Variants in TAFA4 observed in about 807,000 individuals in gnomAD.
TAFA4 encodes the protein TAFA chemokine like family member 4.
In TAFA4, 20 loss-of-function variants were observed where a neutral mutation model predicts 21.1. The observed-to-expected ratio is 0.95, with a 90% CI of 0.67 to 1.38. The LOEUF (loss-of-function observed/expected upper bound fraction) is 1.38. Ranked by LOEUF, TAFA4 falls within the 40% of genes most tolerant of loss-of-function variation. TAFA4 has a pLI of 0.00. For missense variants in TAFA4, 211 were observed against 180.9 expected (o/e 1.17, Z -0.95); for synonymous variants, 71 against 67.4 (o/e 1.05, Z -0.26).
At chr3:68,814,295 T>C (rs567814749) in intron 3 of TAFA4, among the ~76,000 whole-genome samples, 1 of 152,236 alleles carries the variant, frequency 6.6e-6, no homozygotes, top group East Asian at 1.9e-4. Flanking sequence ...CTGGTCAACA[T>C]AGTGTTGGAA....
intron 3 of TAFA4, among the ~76,000 whole-genome samples, chr3:68,787,087 A>C (rs1481726494): frequency 6.6e-6 from 1 of 152,224 alleles, no homozygotes; most frequent in Admixed American, 6.5e-5. Flanking sequence ...CCTCACATGA[A>C]GTTCCACAGG....
chr3:68,847,969 G>A (rs1050459036), intron 3 of TAFA4, among the ~76,000 whole-genome samples: 4 of 152,174 alleles, frequency 2.6e-5, no homozygotes, highest in Non-Finnish European at 4.4e-5. Context: ...GCTAAGAACA[G>A]CTCTCAAAAA....
chr3:68,786,105 A>G (rs1318527881), intron 3 of TAFA4, among the ~76,000 whole-genome samples: 1 of 152,230 alleles, frequency 6.6e-6, no homozygotes, highest in African/African-American at 2.4e-5. Context: ...AATTAAATTA[A>G]TAAAGCAAAT....
At chr3:68,762,189 T>C (rs1575598975) in intron 3 of TAFA4, among the ~76,000 whole-genome samples, 1 of 135,878 alleles carries the variant, frequency 7.4e-6, no homozygotes, top group East Asian at 2.0e-4. Flanking sequence ...GGGAAAGCCA[T>C]TGGTGGCCTT....
intron 3 of TAFA4, among the ~76,000 whole-genome samples, chr3:68,795,254 T>A (rs1010359526): frequency 1.3e-5 from 2 of 150,678 alleles, no homozygotes; most frequent in Non-Finnish European, 3.0e-5. Context: ...GCATTCTAGA[T>A]GGAGACAGCT....
chr3:68,734,201 G>T (rs1702200364), intron 5 of TAFA4, among the ~76,000 whole-genome samples: 1 of 152,058 alleles, frequency 6.6e-6, no homozygotes, highest in South Asian at 2.1e-4. Flanking sequence ...CATGCATTCT[G>T]AAATATTCTG....
At chr3:68,856,023 A>G (rs1319342298) in intron 3 of TAFA4, among the ~76,000 whole-genome samples, 1 of 152,188 alleles carries the variant, frequency 6.6e-6, no homozygotes, top group Non-Finnish European at 1.5e-5. Flanking sequence ...ATGGTGAGGC[A>G]GAAAAGAAGA....
intron 3 of TAFA4, among the ~76,000 whole-genome samples, chr3:68,779,040 C>T (rs1703102357): frequency 6.6e-6 from 1 of 152,130 alleles, no homozygotes; most frequent in African/African-American, 2.4e-5. Flanking sequence ...TTGAGGTGGT[C>T]TCAGATGGAG....
intron 3 of TAFA4, among the ~76,000 whole-genome samples, chr3:68,754,462 C>G (rs972024371): frequency 2.6e-5 from 4 of 152,144 alleles, no homozygotes; most frequent in Admixed American, 2.6e-4. Flanking sequence ...GATGCTTCCT[C>G]TTGATTAGAT....
intron 1 of TAFA4, among the ~76,000 whole-genome samples, chr3:68,918,130 C>CAG (rs2090022836): frequency 1.2e-5 from 1 of 81,624 alleles, no homozygotes; most frequent in Admixed American, 1.0e-4. Flanking sequence ...GCCAGACACA[C>CAG]ATACACACAC....
At chr3:68,928,313 A>G (rs1015389276) in intron 1 of TAFA4, among the ~76,000 whole-genome samples, 19 of 152,240 alleles carry the variant, frequency 1.2e-4, no homozygotes, top group African/African-American at 4.3e-4. Context: ...GTGGGGTACC[A>G]TTATCGTTAT....
chr3:68,931,410 T>A (rs1041543042), intron 1 of TAFA4, among the ~76,000 whole-genome samples: 2 of 152,078 alleles, frequency 1.3e-5, no homozygotes, highest in African/African-American at 4.8e-5. Flanking sequence ...AAACGTTAAA[T>A]GATGCTGATT....
chr3:68,861,036 C>T (rs1001850663), intron 3 of TAFA4, among the ~76,000 whole-genome samples: 3 of 131,972 alleles, frequency 2.3e-5, no homozygotes, highest in East Asian at 2.8e-4. Context: ...ATGCACCCCC[C>T]CCCCGCCCCC....
intron 3 of TAFA4, among the ~76,000 whole-genome samples, chr3:68,858,635 A>C (rs1705127156): frequency 6.6e-6 from 1 of 151,438 alleles, no homozygotes; most frequent in Non-Finnish European, 1.5e-5. Context: ...GCATTCACAT[A>C]GATGCAAGTG....
intron 1 of TAFA4, among the ~76,000 whole-genome samples, chr3:68,899,180 T>C (rs928437376): frequency 1.3e-5 from 2 of 152,116 alleles, no homozygotes; most frequent in African/African-American, 4.8e-5. Flanking sequence ...CCAAAGAAAA[T>C]TTAGCATCCA....
rs1245767568 is a variant in TAFA4 at position 68,761,567 on chromosome 3, A to C, written c.131-8549T>G. 2.6e-5 allele frequency among the ~76,000 whole-genome samples: 4 copies of C among 152,218 alleles called. No homozygotes were observed. In the South Asian group the frequency reaches 8.3e-4, roughly 32 times the overall value. On this transcript the variant is annotated intron_variant, in intron 3 of 5. Transcript: ENST00000295569. Reference sequence around the variant, plus strand: ...GAAACAATAAGGAGATGATGCCAGAAAGATAATGAAAGGTGTGTGGGTGAT... The same window carrying C: ...GAAACAATAAGGAGATGATGCCAGACAGATAATGAAAGGTGTGTGGGTGAT...
intron 3 of TAFA4, among the ~76,000 whole-genome samples, chr3:68,785,237 C>G (rs1435985547): frequency 2.0e-5 from 3 of 152,364 alleles, no homozygotes; most frequent in Admixed American, 1.3e-4. Flanking sequence ...AGTCAGGAGC[C>G]CAGCTGGCTT....
intron 3 of TAFA4, among the ~76,000 whole-genome samples, chr3:68,822,907 A>AGTT (rs1250910045): frequency 3.3e-5 from 5 of 152,212 alleles, no homozygotes; most frequent in Non-Finnish European, 7.3e-5. Context: ...AGTCTGCTTT[A>AGTT]CAAATAACAT....
At chr3:68,810,644 G>T (rs931611475) in intron 3 of TAFA4, among the ~76,000 whole-genome samples, 1 of 152,170 alleles carries the variant, frequency 6.6e-6, no homozygotes, top group Non-Finnish European at 1.5e-5. Flanking sequence ...CACCATTGCC[G>T]AGGCTTGAGT....
Sources: allele counts gnomAD v4.1 joint callset (sites outside exome capture counted in the v4.1 genomes callset), GRCh38; gene constraint gnomAD v4.1.1; transcripts MANE v1.5; gene names NCBI Gene and HGNC (gene_info 2026-07-23, HGNC 2026-07-21).